The following PCDH15 variants were observed in gnomAD, a reference collection of about 807,000 sequenced individuals.
The protein encoded by PCDH15 is protocadherin related 15.
In PCDH15, 129 loss-of-function variants were observed where a neutral mutation model predicts 178.5. The ratio of observed to expected loss-of-function variants is 0.72; its 90% confidence interval spans 0.63 to 0.84. PCDH15 has a LOEUF of 0.84. PCDH15 is among the 40% of genes least tolerant of loss of function. The pLI, the probability that PCDH15 is intolerant of heterozygous loss-of-function variation, is 0.00. For synonymous variants in PCDH15, 800 were observed against 732.0 expected (o/e 1.09, Z -1.50); for missense variants, 2,230 against 2,099.9 (o/e 1.06, Z -1.21).
intron 14 of PCDH15, among the ~76,000 whole-genome samples, chr10:54,150,461 CTG>C (rs1347542628): frequency 1.3e-5 from 2 of 151,792 alleles, no homozygotes; most frequent in Non-Finnish European, 2.9e-5. Context: ...TATTAGTAAA[CTG>C]TATCTTTTAG....
At position 53,846,119 on chromosome 10, in the gene PCDH15, G is replaced by T. The variant is rs190789162; in HGVS notation, c.3807-5623C>A. Among the ~76,000 whole-genome samples the T allele has an allele frequency of 6.5e-4, 98 of 151,510 alleles. 2 individuals are homozygous for T. The highest frequency in any genetic ancestry group is 8.9e-5 in the Non-Finnish European group (6 of 67,678). The stretch of plus-strand genomic sequence containing the variant: ...ATCTGACTTCTTGGTAGCAATATAC[G>T]TATTTAAAATGCAAATAGTACAATC... On this transcript the variant is annotated intron_variant, in intron 28 of 37. Coordinates refer to ENST00000644397, the MANE Select transcript of PCDH15 (RefSeq NM_001384140.1).
intron 20 of PCDH15, among the ~76,000 whole-genome samples, chr10:54,007,250 T>C (rs1485045901): frequency 6.6e-6 from 1 of 152,182 alleles, no homozygotes; most frequent in Non-Finnish European, 1.5e-5. Context: ...TTTAAAATTG[T>C]TTAGAATTTT....
chr10:54,599,583 G>C, intron 2 of PCDH15: 1 of 297,864 alleles, frequency 3.4e-6, no homozygotes, highest in Non-Finnish European at 6.3e-6. Context: ...ATACTATTCT[G>C]AACATAAGAT....
In PCDH15 at chr10:55,551,954, C is replaced by A. The variant is rs140252296; in HGVS notation, c.-156+75671G>T. Among the ~76,000 whole-genome samples, 506 of 151,576 alleles carry A rather than the reference C, an allele frequency of 3.3e-3. 2 individuals are homozygous for A. The highest frequency in any genetic ancestry group is 5.5e-3 in the Non-Finnish European group (373 of 67,630). On this transcript the variant is annotated intron_variant, in intron 2 of 5. Coordinates refer to the PCDH15 transcript ENST00000613346. ...AATTTAGCATTATTTTTTCTTTATT[C>A]TTCCAATATCTGAAGGTTTTCCGTA...
At chr10:53,934,355 A>G (rs2085368633) in intron 25 of PCDH15, among the ~76,000 whole-genome samples, 1 of 152,104 alleles carries the variant, frequency 6.6e-6, no homozygotes, top group South Asian at 2.1e-4. Context: ...TGTGCAAGCT[A>G]TAAGTTACCT....
chr10:55,300,642 A>G (rs886742771), intron 1 of PCDH15, among the ~76,000 whole-genome samples: 11 of 152,192 alleles, frequency 7.2e-5, no homozygotes, highest in African/African-American at 2.7e-4. Context: ...TTCTTAAAAA[A>G]TTAAGCTCAA....
chr10:54,307,304 C>T lies in PCDH15; in HGVS notation c.876+9967G>A, dbSNP rs563557254. On this transcript the variant is annotated intron_variant, in intron 8 of 37. Transcript: ENST00000644397. The stretch of plus-strand genomic sequence containing the variant: ...TTCAGTATAATTTATAATTAGCAGC[C>T]AATTATTTTATAATTAAAGTAAATC... Among the ~76,000 whole-genome samples, 10 of 149,368 alleles carry T rather than the reference C, an allele frequency of 6.7e-5. No individual in the cohort carries two copies. The South Asian group carries it at 1.3e-3, about 19-fold the overall frequency.
intron 2 of PCDH15, among the ~76,000 whole-genome samples, chr10:55,615,348 C>T (rs1312632400): frequency 1.3e-5 from 2 of 152,110 alleles, no homozygotes; most frequent in African/African-American, 4.8e-5. Flanking sequence ...TCATTGGAAA[C>T]ACTGCAAAAT....
intron 3 of PCDH15, among the ~76,000 whole-genome samples, chr10:54,413,921 T>G (rs1953939608): frequency 6.6e-6 from 1 of 152,124 alleles, no homozygotes. Flanking sequence ...ATGGGTACAA[T>G]GTACACTATT....
At chr10:54,087,606 T>C (rs2094534969) in intron 16 of PCDH15, among the ~76,000 whole-genome samples, 3 of 152,246 alleles carry the variant, frequency 2.0e-5, no homozygotes, top group South Asian at 2.1e-4. Context: ...AATTCTTTTA[T>C]GAACTTTCTT....
At chr10:54,752,688 C>T (rs1002978802) in intron 1 of PCDH15, among the ~76,000 whole-genome samples, 1 of 137,992 alleles carries the variant, frequency 7.2e-6, no homozygotes, top group African/African-American at 2.7e-5. Context: ...CCGAGTGTAT[C>T]TTTAGGATTT....
intron 28 of PCDH15, among the ~76,000 whole-genome samples, chr10:53,841,267 C>T (rs1035418412): frequency 6.6e-6 from 1 of 151,830 alleles, no homozygotes; most frequent in African/African-American, 2.4e-5. Flanking sequence ...ATATTAAGAG[C>T]ATATAATTCA....
intron 2 of PCDH15, among the ~76,000 whole-genome samples, chr10:54,588,230 G>T (rs2091634715): frequency 2.0e-5 from 3 of 152,104 alleles, no homozygotes; most frequent in African/African-American, 7.2e-5. Context: ...TTAAGATAAT[G>T]CTTCTATTAT....
intron 2 of PCDH15, among the ~76,000 whole-genome samples, chr10:54,642,476 C>T (rs2094014286): frequency 6.6e-6 from 1 of 152,186 alleles, no homozygotes; most frequent in Non-Finnish European, 1.5e-5. Flanking sequence ...TTAGAATAAA[C>T]TCCTTGCCCC....
intron 18 of PCDH15, among the ~76,000 whole-genome samples, chr10:54,040,432 T>A (rs545051468): frequency 1.3e-5 from 2 of 152,150 alleles, no homozygotes; most frequent in Admixed American, 1.3e-4. Flanking sequence ...CTTTCTGCCA[T>A]GATTGTGAGG....
At chr10:54,275,761 C>G (rs555032350) in intron 8 of PCDH15, among the ~76,000 whole-genome samples, 1 of 151,664 alleles carries the variant, frequency 6.6e-6, no homozygotes, top group Admixed American at 6.6e-5. Flanking sequence ...CTACAACATT[C>G]ATACTGAAAT....
At chr10:54,456,921 C>T (rs928138424) in intron 3 of PCDH15, among the ~76,000 whole-genome samples, 9 of 152,064 alleles carry the variant, frequency 5.9e-5, no homozygotes, top group Non-Finnish European at 5.9e-5. Context: ...GTTTACTTCC[C>T]CTTCTGACAT....
At chr10:54,098,589 T>C (rs1211786584) in intron 15 of PCDH15, among the ~76,000 whole-genome samples, 1 of 152,172 alleles carries the variant, frequency 6.6e-6, no homozygotes, top group Non-Finnish European at 1.5e-5. Flanking sequence ...AGAATAGTGT[T>C]TGGTTTGCCT....
chr10:55,485,148 T>C (rs746719464), intron 2 of PCDH15, among the ~76,000 whole-genome samples: 1 of 151,638 alleles, frequency 6.6e-6, no homozygotes, highest in Non-Finnish European at 1.5e-5. Flanking sequence ...TGACAAATGA[T>C]TCATGTTTAG....
Sources: gnomAD v4.1 joint callset for allele counts (sites outside exome capture counted in the v4.1 genomes callset) on GRCh38, gnomAD v4.1.1 for gene constraint, MANE v1.5 for transcripts, NCBI Gene and HGNC (gene_info 2026-07-23, HGNC 2026-07-21) for gene names.